POLR2E: variants seen among roughly 807,000 people sequenced by gnomAD.
The protein encoded by POLR2E is DNA-directed RNA polymerases I, II, and III subunit RPABC1.
In POLR2E, 35 loss-of-function variants were observed where a neutral mutation model predicts 29.8. The observed-to-expected ratio is 1.17, with a 90% confidence interval of 0.90 to 1.55. The LOEUF is 1.55. Ranked by LOEUF, POLR2E falls within the 40% of genes most tolerant of loss-of-function variation. The pLI is 0.00. For missense variants in POLR2E, 287 were observed against 288.6 expected, an observed-to-expected ratio of 0.99 and a Z score of 0.04; for synonymous variants, 174 against 112.6, an observed-to-expected ratio of 1.55 and a Z score of -3.45.
In POLR2E at chr19:1,088,161, T is replaced by C. The variant is rs956414129; in HGVS notation, c.*574A>G. On this transcript the variant is annotated 3_prime_UTR_variant, in exon 8 of 8. Coordinates refer to ENST00000615234, the MANE Select transcript of POLR2E (RefSeq NM_002695.5). ...CTGCTGGAAACCTTGTTAGTCGGCC[T>C]GGTTTCTGTATCAAGCAAATTTATT... 8 of 152,414 alleles carry C rather than the reference T, an allele frequency of 5.2e-5. No homozygotes were observed. The highest frequency in any genetic ancestry group is 1.7e-4 in the African/African-American group (7 of 41,438). 9.4% of individuals were successfully genotyped at this position (152,414 alleles called of 1,614,324 possible). A position where few individuals can be genotyped will look rare whatever the true frequency, so the allele number is the denominator to read the frequency against.
intron 3 of POLR2E, chr19:1,091,584 G>C (rs1442499983): frequency 1.7e-6 from 1 of 577,298 alleles, no homozygotes; most frequent in Non-Finnish European, 3.1e-6. Flanking sequence ...CCTGAGAGCT[G>C]GGGGAGGACG....
At chr19:1,089,833 G>A (rs375566917) in intron 6 of POLR2E, 51 bp downstream of exon 6, 39 of 1,426,754 alleles carry the variant, frequency 2.7e-5, no homozygotes, top group Middle Eastern at 4.9e-4. Context: ...CCCCTTCTCC[G>A]AGTGGTCAGC....
intron 1 of POLR2E, 23 bp downstream of exon 1, chr19:1,095,236 C>T: frequency 6.2e-7 from 1 of 1,611,600 alleles, no homozygotes. Flanking sequence ...GCGCCCCCGC[C>T]CCCAACACCA....
intron 1 of POLR2E, chr19:1,094,312 G>A (rs2043898297): frequency 6.2e-6 from 3 of 485,652 alleles, no homozygotes; most frequent in Admixed American, 4.1e-5. Flanking sequence ...GACCAAGACC[G>A]TCTGTCCACC....
intron 6 of POLR2E, 35 bp downstream of exon 6, chr19:1,089,849 G>A (rs376558209): frequency 7.1e-6 from 11 of 1,543,066 alleles, no homozygotes; most frequent in Non-Finnish European, 9.8e-6. Context: ...TCAGCTCAGA[G>A]CAGCCCCAGG....
intron 7 of POLR2E, among the ~76,000 whole-genome samples, chr19:1,089,232 AGACG>A (rs1271861864): frequency 1.3e-5 from 2 of 152,162 alleles, no homozygotes; most frequent in African/African-American, 4.8e-5. Flanking sequence ...AGCGGCGGAG[AGACG>A]CACGCCCCGC....
At position 1,089,553 on chromosome 19, in the gene POLR2E, T is replaced by TGCAGAGACAGAGA; in HGVS notation, c.568-15_568-3dup. The TGCAGAGACAGAGA allele has an allele frequency of 6.2e-7, 1 of 1,613,342 alleles. No homozygotes were observed. Among genetic ancestry groups the TGCAGAGACAGAGA allele is most frequent in the Non-Finnish European group, 8.5e-7 (1 of 1,179,414 alleles). On this transcript the variant is annotated splice_polypyrimidine_tract_variant and splice_region_variant and intron_variant, in intron 6 of 7. Transcript: ENST00000615234. Reference sequence around the variant, plus strand: ...ACTGGGCCGGATGATCTTCACCACCTGCAGAGACAGAGAGCAGGGGCTGCG... The same window carrying TGCAGAGACAGAGA: ...ACTGGGCCGGATGATCTTCACCACCTGCAGAGACAGAGAGCAGAGACAGAGAGCAGGGGCTGCG...
In POLR2E at chr19:1,093,251, G is replaced by A. The variant is rs759644726; in HGVS notation, c.232+653C>T. On this transcript the variant is annotated intron_variant, in intron 2 of 7. Coordinates refer to ENST00000615234, the MANE Select transcript of POLR2E (RefSeq NM_002695.5). ...GTCACCAGGTCCGGTTGGCAGACGT[G>A]CTCCGTCACCCCACTGATTAATTCT... Among the ~76,000 whole-genome samples, 7 of 152,322 alleles carry A rather than the reference G, an allele frequency of 4.6e-5. 1 individual carries two copies. In the South Asian group the frequency reaches 1.0e-3, roughly 23 times the overall value.
Position 1,095,168 on chromosome 19 carries a change from C to T in POLR2E, c.57+91G>A, listed in dbSNP as rs560143528. Reference sequence around the variant, plus strand: ...CGGCCCTTCATCGCTGCTGCTCCGACGAGAGTACGAGGAGACGCCGTGCTC... The same window carrying T: ...CGGCCCTTCATCGCTGCTGCTCCGATGAGAGTACGAGGAGACGCCGTGCTC... On this transcript the variant is annotated intron_variant, in intron 1 of 7. Coordinates refer to ENST00000615234, the MANE Select transcript of POLR2E (RefSeq NM_002695.5). 9 of 1,342,474 alleles carry T rather than the reference C, an allele frequency of 6.7e-6. No individual in the cohort carries two copies. In the East Asian group the frequency reaches 2.2e-4, roughly 32 times the overall value. 83.2% of individuals were successfully genotyped at this position (1,342,474 alleles called of 1,614,324 possible).
At chr19:1,089,170 C>T (rs1208027850) in intron 7 of POLR2E, among the ~76,000 whole-genome samples, 5 of 152,240 alleles carry the variant, frequency 3.3e-5, no homozygotes, top group Admixed American at 3.3e-4. Context: ...TCTGGAAAGT[C>T]CCGCCGCACA....
chr19:1,094,170 A>G, intron 1 of POLR2E, 92 bp from the exon 2 acceptor site: 1 of 1,226,798 alleles, frequency 8.2e-7, no homozygotes, highest in Non-Finnish European at 1.1e-6. Flanking sequence ...GCTGCTGCAG[A>G]GGACAGAGGT....
intron 7 of POLR2E, among the ~76,000 whole-genome samples, 196 bp downstream of exon 7, chr19:1,089,276 G>A (rs1379389941): frequency 4.6e-5 from 7 of 152,236 alleles, no homozygotes; most frequent in Non-Finnish European, 1.0e-4. Context: ...CAGGCGCACA[G>A]CCCCAAGAGC....
At position 1,094,066 on chromosome 19, in the gene POLR2E, GGTCGTGGC is replaced by G; in HGVS notation, c.62_69del (p.Cys21SerfsTer11). 6.2e-7 allele frequency: 1 copy of G among 1,611,658 alleles called. No homozygotes were observed. Among genetic ancestry groups the G allele is most frequent in the Non-Finnish European group, 8.5e-7 (1 of 1,178,988 alleles). On this transcript the variant is annotated frameshift_variant, in exon 2 of 8. Coordinates refer to ENST00000615234, the MANE Select transcript of POLR2E (RefSeq NM_002695.5). LOFTEE classifies it high-confidence loss of function. The stretch of plus-strand genomic sequence containing the variant: ...TCGTCCTGGGTCACCAGATAGCCAC[GGTCGTGGC>G]ACAGCTGCAGAGAGAAAGAACCAGC...
intron 5 of POLR2E, 57 bp from the exon 6 acceptor site, chr19:1,090,019 TG>T (rs763136115): frequency 2.4e-6 from 2 of 847,906 alleles, no homozygotes; most frequent in East Asian, 3.3e-5. Context: ...CAGGGGTGTG[TG>T]TGGGGGGGGA....
intron 1 of POLR2E, chr19:1,094,726 G>A (rs1454822866): frequency 6.2e-6 from 1 of 161,426 alleles, no homozygotes; most frequent in African/African-American, 2.4e-5. Flanking sequence ...TGAACCGCAG[G>A]TCCTCAGGCC....
chr19:1,090,639 G>C (rs892915338), intron 4 of POLR2E, among the ~76,000 whole-genome samples: 32 of 151,784 alleles, frequency 2.1e-4, no homozygotes, highest in South Asian at 4.2e-4. Flanking sequence ...AGGATGGTCT[G>C]GAACTCCTGA....
intron 7 of POLR2E, 139 bp downstream of exon 7, chr19:1,089,333 G>A: frequency 1.6e-6 from 1 of 615,626 alleles, no homozygotes; most frequent in Non-Finnish European, 2.9e-6. Flanking sequence ...GGTGTCCTGG[G>A]AGCGCCTGGT....
At chr19:1,091,738 C>G (rs1378452767) in intron 3 of POLR2E, 54 bp downstream of exon 3, 33 of 1,015,656 alleles carry the variant, frequency 3.2e-5, no homozygotes, top group South Asian at 8.8e-5. Context: ...GTACTGCTTG[C>G]GGGAGGAGGC....
At chr19:1,091,414 G>A in intron 3 of POLR2E, 1 of 372,432 alleles carries the variant, frequency 2.7e-6, no homozygotes, top group Admixed American at 4.0e-5. Flanking sequence ...GGGGAACACG[G>A]ATAGGCCCCT....
Sources: gnomAD v4.1 joint callset for allele counts (sites outside exome capture counted in the v4.1 genomes callset) on GRCh38, gnomAD v4.1.1 for gene constraint, MANE v1.5 for transcripts, NCBI Gene and HGNC (gene_info 2026-07-23, HGNC 2026-07-21) for gene names.